The following GPT2 variants were observed in gnomAD, a reference collection of about 807,000 sequenced individuals.
The protein encoded by GPT2 is glutamic--pyruvic transaminase 2.
Under a neutral mutation model 56.9 loss-of-function variants are expected in GPT2, and 30 were observed. The ratio of observed to expected loss-of-function variants is 0.53; its 90% CI spans 0.39 to 0.72. GPT2 has a LOEUF of 0.72. Ranked by LOEUF, GPT2 falls within the 30% of genes least tolerant of loss-of-function variation. GPT2 has a pLI of 0.00. For missense variants in GPT2, 542 were observed against 703.4 expected, an observed-to-expected ratio of 0.77 and a Z score of 2.60; for synonymous variants, 271 against 283.1, an observed-to-expected ratio of 0.96 and a Z score of 0.43.
chr16:46,929,093 C>T lies in GPT2; in HGVS notation c.*96C>T, dbSNP rs190318901. On this transcript the variant is annotated 3_prime_UTR_variant, in exon 12 of 12. Coordinates refer to ENST00000340124, the MANE Select transcript of GPT2 (RefSeq NM_133443.4). ...TCCCCCGTGACTCTGCCTCGGGCCT[C>T]GCAGAGGCCGCTGGTCACTTCGTCA... The T allele has an allele frequency of 1.2e-5, 11 of 888,318 alleles. No homozygotes were observed. The highest frequency in any genetic ancestry group is 3.8e-5 in the Admixed American group (2 of 52,302). The allele number at this position is 888,318 out of a possible 1,614,324, so 55.0% of individuals were successfully genotyped here.
intron 2 of GPT2, among the ~76,000 whole-genome samples, chr16:46,894,648 C>T (rs1202977335): frequency 6.6e-6 from 1 of 151,854 alleles, no homozygotes; most frequent in Non-Finnish European, 1.5e-5. Flanking sequence ...ACAGTGGCTG[C>T]GTCTGGATGC....
chr16:46,895,535 CAACAA>C (rs1223685966), intron 2 of GPT2, among the ~76,000 whole-genome samples: 1 of 151,220 alleles, frequency 6.6e-6, no homozygotes, highest in Non-Finnish European at 1.5e-5. Context: ...AAAAAAAAAA[CAACAA>C]AAAAAAGGGT....
chr16:46,900,612 G>C, intron 3 of GPT2, 70 bp from the exon 4 acceptor site: 3 of 1,180,476 alleles, frequency 2.5e-6, no homozygotes, highest in Non-Finnish European at 3.8e-6. Flanking sequence ...CCTCCCAGTG[G>C]CCTCTGTGCT....
intron 8 of GPT2, among the ~76,000 whole-genome samples, chr16:46,921,654 A>G (rs901847068): frequency 6.6e-6 from 1 of 152,142 alleles, no homozygotes; most frequent in Non-Finnish European, 1.5e-5. Flanking sequence ...TTTGGTCTGG[A>G]AAGATTTTTT....
intron 8 of GPT2, among the ~76,000 whole-genome samples, chr16:46,919,080 T>C (rs184664396): frequency 6.6e-6 from 1 of 152,324 alleles, no homozygotes; most frequent in East Asian, 1.9e-4. Context: ...GGAGGGCAGA[T>C]AGAGCAGACA....
In GPT2 at chr16:46,884,880, G is replaced by A; in HGVS notation, c.165G>A (p.Pro55=). ...TCCTCACGCTGGAGTCCATGAACCC[G>A]CAGGTGAAGGCGGTGGAGTACGCCG... ...ERILTLESMN[P]QVKAVEYAVR... Residue 55 remains proline (P), a synonymous_variant, in exon 2 of 12, where the codon CCG becomes CCA. Transcript: ENST00000340124. The A allele has an allele frequency of 6.5e-7, 1 of 1,543,816 alleles. No homozygotes were observed. Among genetic ancestry groups the A allele is most frequent in the South Asian group, 1.2e-5 (1 of 83,342 alleles).
At chr16:46,884,986 C>A in intron 2 of GPT2, 28 bp downstream of exon 2, 2 of 1,445,826 alleles carry the variant, frequency 1.4e-6, no homozygotes, top group South Asian at 1.4e-5. Flanking sequence ...CCCGGGGAGG[C>A]TGGGGCCGCT....
intron 10 of GPT2, among the ~76,000 whole-genome samples, chr16:46,926,170 C>T (rs1374338789): frequency 1.3e-5 from 2 of 149,632 alleles, no homozygotes; most frequent in African/African-American, 2.5e-5. Flanking sequence ...TGGTGTAGTC[C>T]GAGCGCGGTG....
At chr16:46,918,515 C>T (rs1961216387) in intron 7 of GPT2, 106 bp from the exon 8 acceptor site, 1 of 1,305,222 alleles carries the variant, frequency 7.7e-7, no homozygotes, top group African/African-American at 1.5e-5. Flanking sequence ...GCTGGGCCGG[C>T]TGGGCCTCAT....
At position 46,922,392 on chromosome 16, in the gene GPT2, G is replaced by A. The variant is rs757178518; in HGVS notation, c.1188G>A (p.Glu396=). Reference sequence around the variant, plus strand: ...TCGTGAACCCCCCGGTGGCAGGAGAGGAGTCCTTTGAGCAATTCAGCCGAG... The same window carrying A: ...TCGTGAACCCCCCGGTGGCAGGAGAAGAGTCCTTTGAGCAATTCAGCCGAG... ...DIVVNPPVAG[E]ESFEQFSREK... Residue 396 remains glutamate, a synonymous_variant, in exon 9 of 12, where the codon GAG becomes GAA. Transcript: ENST00000340124. 1.2e-6 allele frequency: 2 copies of A among 1,612,984 alleles called. No homozygotes were observed. Among genetic ancestry groups the A allele is most frequent in the South Asian group, 2.2e-5 (2 of 91,010 alleles).
At chr16:46,900,105 G>A (rs904741240) in intron 3 of GPT2, among the ~76,000 whole-genome samples, 3 of 152,196 alleles carry the variant, frequency 2.0e-5, no homozygotes, top group Admixed American at 2.0e-4. Flanking sequence ...TCAACTTGCC[G>A]GGCGAGCTGG....
chr16:46,898,979 T>TATGTGTATATATATACACACACAC (rs1567335107), intron 3 of GPT2, among the ~76,000 whole-genome samples: 2 of 6,890 alleles, frequency 2.9e-4, no homozygotes. Flanking sequence ...CACACACATA[T>TATGTGTATATATATACACACACAC]ATATATATAT....
intron 4 of GPT2, among the ~76,000 whole-genome samples, chr16:46,904,554 C>T (rs754729819): frequency 2.6e-5 from 4 of 152,122 alleles, no homozygotes; most frequent in Non-Finnish European, 2.9e-5. Context: ...TGGAGCATAA[C>T]GTGAGATCTG....
intron 2 of GPT2, among the ~76,000 whole-genome samples, chr16:46,892,167 G>C (rs1272204727): frequency 6.6e-6 from 1 of 152,122 alleles, no homozygotes; most frequent in Admixed American, 6.5e-5. Context: ...TTCCACATAT[G>C]AGTGAGATCA....
intron 5 of GPT2, among the ~76,000 whole-genome samples, chr16:46,907,275 C>T (rs970606124): frequency 1.4e-4 from 22 of 152,368 alleles, no homozygotes; most frequent in Admixed American, 1.4e-3. Context: ...ACTGGTGTTC[C>T]TCCTGTGCCA....
At chr16:46,902,496 C>G (rs566400065) in intron 4 of GPT2, among the ~76,000 whole-genome samples, 1 of 152,132 alleles carries the variant, frequency 6.6e-6, no homozygotes, top group Non-Finnish European at 1.5e-5. Context: ...CACCTACGCT[C>G]TGGGCAGCCT....
intron 2 of GPT2, among the ~76,000 whole-genome samples, chr16:46,888,549 G>T (rs999979195): frequency 2.0e-5 from 3 of 151,986 alleles, no homozygotes; most frequent in African/African-American, 7.3e-5. Flanking sequence ...GGGTTTCACT[G>T]TGTTGGCCAG....
Position 46,884,631 on chromosome 16 carries a change from G to C in GPT2, c.-22-63G>C, listed in dbSNP as rs369137448. ...AAAGAGCCCTTGGCTGGGCTTGTGT[G>C]GGGGAGTGCTGCACGCCTGGGCAGT... On this transcript the variant is annotated intron_variant, in intron 1 of 11. Coordinates refer to ENST00000340124, the MANE Select transcript of GPT2 (RefSeq NM_133443.4). 6 of 1,312,234 alleles carry C rather than the reference G, an allele frequency of 4.6e-6. No individual in the cohort carries two copies. In the African/African-American group the frequency reaches 7.6e-5, roughly 17 times the overall value. 81.3% of individuals were successfully genotyped at this position (1,312,234 alleles called of 1,614,324 possible).
chr16:46,909,559 G>T (rs1961001042), intron 5 of GPT2, 125 bp from the exon 6 acceptor site: 2 of 1,076,712 alleles, frequency 1.9e-6, no homozygotes, highest in African/African-American at 3.2e-5. Flanking sequence ...AGGAAACTGA[G>T]ACTCGGGGAA....
Sources: gnomAD v4.1 joint callset for allele counts (sites outside exome capture counted in the v4.1 genomes callset) on GRCh38, gnomAD v4.1.1 for gene constraint, MANE v1.5 for transcripts, NCBI Gene and HGNC (gene_info 2026-07-23, HGNC 2026-07-21) for gene names.